The following LNX1 variants were observed in gnomAD, a reference collection of about 807,000 sequenced individuals.
The protein encoded by LNX1 is ligand of numb-protein X 1.
In LNX1, 54 loss-of-function variants were observed where a neutral mutation model predicts 68.4. The observed-to-expected ratio is 0.79, with a 90% CI of 0.63 to 0.99. The LOEUF is 0.99. Ranked by LOEUF, LNX1 falls within the 50% of genes least tolerant of loss-of-function variation. The pLI, the probability that LNX1 is intolerant of heterozygous loss-of-function variation, is 0.00. For synonymous variants in LNX1, 336 were observed against 350.0 expected, an observed-to-expected ratio of 0.96 and a Z score of 0.45; for missense variants, 906 against 926.4, an observed-to-expected ratio of 0.98 and a Z score of 0.29.
chr4:53,648,761 T>C (rs1343222738), intron 1 of LNX1, among the ~76,000 whole-genome samples: 2 of 152,172 alleles, frequency 1.3e-5, no homozygotes, highest in East Asian at 3.8e-4. Context: ...AAATAGACTT[T>C]CAGAACAGTT....
At chr4:53,577,777 T>A (rs1413740640) in intron 1 of LNX1, among the ~76,000 whole-genome samples, 2 of 151,984 alleles carry the variant, frequency 1.3e-5, no homozygotes, top group Non-Finnish European at 2.9e-5. Flanking sequence ...TCCTAGCTTT[T>A]AAAAAAAACT....
intron 1 of LNX1, among the ~76,000 whole-genome samples, chr4:53,638,423 T>A (rs1242388906): frequency 6.6e-6 from 1 of 152,218 alleles, no homozygotes; most frequent in Non-Finnish European, 1.5e-5. Flanking sequence ...CCAAACTCAA[T>A]GCTCATGGTG....
chr4:53,570,759 G>C (rs1057360929), intron 2 of LNX1, among the ~76,000 whole-genome samples: 10 of 151,544 alleles, frequency 6.6e-5, no homozygotes, highest in African/African-American at 2.4e-4. Flanking sequence ...TGGGCGTGGT[G>C]GCTCACGCCT....
chr4:53,521,472 C>T (rs1727212743), intron 2 of LNX1, among the ~76,000 whole-genome samples: 1 of 152,196 alleles, frequency 6.6e-6, no homozygotes, highest in African/African-American at 2.4e-5. Flanking sequence ...CTGCATGACA[C>T]TCAGTGGAAA....
intron 2 of LNX1, among the ~76,000 whole-genome samples, chr4:53,515,108 T>C (rs1726661598): frequency 6.6e-6 from 1 of 152,278 alleles, no homozygotes; most frequent in East Asian, 1.9e-4. Flanking sequence ...AGTTCCACAA[T>C]TACACCAGTA....
At chr4:53,488,766 G>A (rs1724491845) in intron 6 of LNX1, among the ~76,000 whole-genome samples, 1 of 152,078 alleles carries the variant, frequency 6.6e-6, no homozygotes, top group Admixed American at 6.5e-5. Flanking sequence ...ACCACATGAT[G>A]CCATACAGAC....
intron 2 of LNX1, among the ~76,000 whole-genome samples, chr4:53,525,641 T>C (rs898781429): frequency 2.6e-5 from 4 of 152,240 alleles, no homozygotes; most frequent in African/African-American, 9.6e-5. Context: ...AAAACATTAA[T>C]TGCAAAAACC....
At chr4:53,532,370 G>A (rs184995386) in intron 2 of LNX1, among the ~76,000 whole-genome samples, 2 of 152,258 alleles carry the variant, frequency 1.3e-5, no homozygotes, top group East Asian at 3.9e-4. Flanking sequence ...GGCTACTCGG[G>A]AGGCTGAGGC....
intron 2 of LNX1, among the ~76,000 whole-genome samples, chr4:53,552,445 T>C (rs947854634): frequency 5.9e-5 from 9 of 152,184 alleles, no homozygotes; most frequent in Admixed American, 6.5e-5. Context: ...AACTAGCTCA[T>C]GAGGGTTTGG....
chr4:53,546,390 A>G (rs1329766177), intron 2 of LNX1, among the ~76,000 whole-genome samples: 3 of 152,204 alleles, frequency 2.0e-5, no homozygotes, highest in Non-Finnish European at 4.4e-5. Context: ...GTGCAGGGTC[A>G]CTTGCCACAC....
intron 2 of LNX1, among the ~76,000 whole-genome samples, chr4:53,601,074 CAAGA>C (rs377014314): frequency 0.015 from 1,133 of 76,350 alleles, 16 homozygotes; most frequent in African/African-American, 0.057. Context: ...GAAGATTCTG[CAAGA>C]AAGAAAGAAA....
chr4:53,487,430 A>G (rs1033271357), intron 6 of LNX1, among the ~76,000 whole-genome samples: 3 of 152,226 alleles, frequency 2.0e-5, no homozygotes, highest in African/African-American at 7.2e-5. Context: ...ATGATAAACT[A>G]TATAAAATGC....
chr4:53,568,800 C>T (rs370678208), intron 2 of LNX1, among the ~76,000 whole-genome samples: 2 of 151,566 alleles, frequency 1.3e-5, no homozygotes, highest in Non-Finnish European at 2.9e-5. Flanking sequence ...AGCTGATAAG[C>T]GACTTCAGCA....
chr4:53,584,838 G>A (rs2109806469), intron 1 of LNX1, among the ~76,000 whole-genome samples: 1 of 152,324 alleles, frequency 6.6e-6, no homozygotes, highest in South Asian at 2.1e-4. Flanking sequence ...TTTTCAAATA[G>A]CTAGTGCTTC....
intron 2 of LNX1, among the ~76,000 whole-genome samples, chr4:53,548,460 G>A (rs1244704854): frequency 1.3e-5 from 2 of 152,198 alleles, no homozygotes; most frequent in Non-Finnish European, 2.9e-5. Flanking sequence ...AAGCAATGGA[G>A]AAATTTATTG....
At chr4:53,516,292 A>T (rs1419164879) in intron 2 of LNX1, among the ~76,000 whole-genome samples, 1 of 152,200 alleles carries the variant, frequency 6.6e-6, no homozygotes, top group African/African-American at 2.4e-5. Context: ...CCTGGAATAT[A>T]TAGTAACTCA....
chr4:53,483,987 C>T (rs1724123939), intron 6 of LNX1, among the ~76,000 whole-genome samples: 1 of 152,096 alleles, frequency 6.6e-6, no homozygotes, highest in Non-Finnish European at 1.5e-5. Flanking sequence ...GAAGGCAGGT[C>T]CCTCCTAAGG....
chr4:53,647,564 C>T (rs758110065), intron 1 of LNX1, among the ~76,000 whole-genome samples: 1 of 152,048 alleles, frequency 6.6e-6, no homozygotes, highest in Admixed American at 6.5e-5. Flanking sequence ...GTCCACTTTG[C>T]TAAGAAAAAA....
chr4:53,482,594 G>C (rs1248294287), intron 6 of LNX1, among the ~76,000 whole-genome samples: 1 of 152,180 alleles, frequency 6.6e-6, no homozygotes, highest in African/African-American at 2.4e-5. Context: ...TTTAAGTGAA[G>C]TAACAGAGGA....
Sources: gnomAD v4.1 joint callset for allele counts (sites outside exome capture counted in the v4.1 genomes callset) on GRCh38, gnomAD v4.1.1 for gene constraint, MANE v1.5 for transcripts, NCBI Gene and HGNC (gene_info 2026-07-23, HGNC 2026-07-21) for gene names.